ZBTB20: variants seen among roughly 807,000 people sequenced by gnomAD.
ZBTB20 encodes the protein zinc finger and BTB domain containing 20.
A neutral mutation model predicts 56.9 loss-of-function variants in ZBTB20; 9 were observed. The ratio of observed to expected loss-of-function variants is 0.16; its 90% CI spans 0.10 to 0.28. The LOEUF is 0.28. Among genes scored for constraint, ZBTB20 ranks in the 10% least tolerant of loss-of-function variants. The probability of loss-of-function intolerance (pLI) is 1.00; values close to 1 mark genes in which losing one functional copy is unlikely to be tolerated. For synonymous variants in ZBTB20, 417 were observed against 420.7 expected, an observed-to-expected ratio of 0.99 and a Z score of 0.11; for missense variants, 655 against 1,003.0, an observed-to-expected ratio of 0.65 and a Z score of 4.69.
intron 5 of ZBTB20, among the ~76,000 whole-genome samples, chr3:114,764,460 G>A (rs1013579209): frequency 6.6e-6 from 1 of 152,122 alleles, no homozygotes; most frequent in Non-Finnish European, 1.5e-5. Context: ...TTAGCAGCTT[G>A]GGGTGCAGGC....
chr3:114,368,158 G>A (rs1232448707), intron 10 of ZBTB20, among the ~76,000 whole-genome samples: 2 of 152,202 alleles, frequency 1.3e-5, no homozygotes, highest in African/African-American at 2.4e-5. Context: ...ATAACCCTAT[G>A]AGATGCATAC....
chr3:114,614,262 T>C (rs1016292008), intron 6 of ZBTB20, among the ~76,000 whole-genome samples: 1 of 152,360 alleles, frequency 6.6e-6, no homozygotes, highest in East Asian at 1.9e-4. Flanking sequence ...AATGGTATAT[T>C]ATATTGTTTA....
At chr3:114,349,307 T>C (rs1385962039) in intron 11 of ZBTB20, among the ~76,000 whole-genome samples, 1 of 152,182 alleles carries the variant, frequency 6.6e-6, no homozygotes, top group Non-Finnish European at 1.5e-5. Flanking sequence ...ATGTGCTCAC[T>C]TATATGGAGG....
intron 7 of ZBTB20, among the ~76,000 whole-genome samples, chr3:114,407,067 C>T (rs1444718023): frequency 1.3e-5 from 2 of 152,166 alleles, no homozygotes; most frequent in Non-Finnish European, 2.9e-5. Context: ...GCCTAACGGC[C>T]ACAGACTGAG....
At chr3:115,108,252 A>C (rs901022260) in intron 1 of ZBTB20, among the ~76,000 whole-genome samples, 3 of 152,232 alleles carry the variant, frequency 2.0e-5, no homozygotes, top group African/African-American at 7.2e-5. Flanking sequence ...TATTTCTTTC[A>C]AATCTATAAC....
intron 2 of ZBTB20, among the ~76,000 whole-genome samples, chr3:115,030,667 T>C (rs1033426634): frequency 6.6e-6 from 1 of 151,196 alleles, no homozygotes; most frequent in Non-Finnish European, 1.5e-5. Context: ...TCATGAGAGA[T>C]GATTCTGTCC....
At chr3:114,784,587 A>T (rs1490219746) in intron 5 of ZBTB20, among the ~76,000 whole-genome samples, 2 of 152,172 alleles carry the variant, frequency 1.3e-5, no homozygotes, top group Non-Finnish European at 2.9e-5. Context: ...AAGGTGTGCT[A>T]TGTGGTTATC....
At chr3:114,395,320 A>G (rs1288398262) in intron 7 of ZBTB20, among the ~76,000 whole-genome samples, 6 of 152,190 alleles carry the variant, frequency 3.9e-5, no homozygotes, top group Non-Finnish European at 2.9e-5. Flanking sequence ...ATAAGAAAAG[A>G]GAAAGCAAAA....
chr3:114,841,470 ATT>A (rs1553842872), intron 4 of ZBTB20, among the ~76,000 whole-genome samples: 1 of 152,188 alleles, frequency 6.6e-6, no homozygotes, highest in Non-Finnish European at 1.5e-5. Context: ...GAAGATTAAT[ATT>A]AAGGAAGTCA....
chr3:114,909,769 T>C (rs1246738794), intron 3 of ZBTB20, among the ~76,000 whole-genome samples: 1 of 151,978 alleles, frequency 6.6e-6, no homozygotes, highest in Non-Finnish European at 1.5e-5. Context: ...ACGAGATGCA[T>C]GACTATATAT....
At chr3:114,444,856 T>C (rs903045238) in intron 7 of ZBTB20, among the ~76,000 whole-genome samples, 1 of 151,652 alleles carries the variant, frequency 6.6e-6, no homozygotes, top group Non-Finnish European at 1.5e-5. Flanking sequence ...TTACTTTCTC[T>C]ATTTTGTTAA....
intron 7 of ZBTB20, among the ~76,000 whole-genome samples, chr3:114,475,352 T>A (rs1323364838): frequency 6.6e-6 from 1 of 152,148 alleles, no homozygotes; most frequent in African/African-American, 2.4e-5. Flanking sequence ...ATTTCACTTT[T>A]CACTATTAAT....
intron 10 of ZBTB20, among the ~76,000 whole-genome samples, chr3:114,360,173 C>T (rs1357937374): frequency 6.6e-6 from 1 of 151,104 alleles, no homozygotes. Context: ...TTCCTTTAGT[C>T]CTCTGTTGCT....
chr3:114,777,500 A>C (rs901717437), intron 5 of ZBTB20, among the ~76,000 whole-genome samples: 1 of 152,178 alleles, frequency 6.6e-6, no homozygotes, highest in African/African-American at 2.4e-5. Flanking sequence ...AAAAATGCTC[A>C]TCATCATGGG....
chr3:114,512,230 T>A (rs995268101), intron 6 of ZBTB20, among the ~76,000 whole-genome samples: 4 of 152,162 alleles, frequency 2.6e-5, no homozygotes, highest in Non-Finnish European at 4.4e-5. Flanking sequence ...TATGTCCTTG[T>A]TAAATATCAA....
intron 6 of ZBTB20, among the ~76,000 whole-genome samples, chr3:114,629,936 C>A (rs931984228): frequency 1.3e-5 from 2 of 152,046 alleles, no homozygotes; most frequent in African/African-American, 4.8e-5. Context: ...GGTCTTCAGC[C>A]TAGGAGCTGA....
intron 2 of ZBTB20, among the ~76,000 whole-genome samples, chr3:114,989,235 G>A (rs1265562917): frequency 6.6e-6 from 1 of 152,150 alleles, no homozygotes; most frequent in Non-Finnish European, 1.5e-5. Flanking sequence ...ATGGTTTTAG[G>A]TCTAACATTT....
At chr3:114,685,361 C>G (rs888138726) in intron 6 of ZBTB20, among the ~76,000 whole-genome samples, 1 of 152,112 alleles carries the variant, frequency 6.6e-6, no homozygotes, top group African/African-American at 2.4e-5. Context: ...CTTTCATGAG[C>G]TGACAAGGAC....
intron 1 of ZBTB20, among the ~76,000 whole-genome samples, chr3:115,119,044 C>G (rs2084105508): frequency 6.6e-6 from 1 of 151,990 alleles, no homozygotes; most frequent in South Asian, 2.1e-4. Flanking sequence ...TAGATAATGT[C>G]TAAAATACTG....
Sources: allele counts gnomAD v4.1 joint callset (sites outside exome capture counted in the v4.1 genomes callset), GRCh38; gene constraint gnomAD v4.1.1; transcripts MANE v1.5; gene names NCBI Gene and HGNC (gene_info 2026-07-23, HGNC 2026-07-21).